Variants in NBAS observed in about 807,000 individuals in gnomAD.
NBAS encodes NBAS subunit of NRZ tethering complex, also known as NAG/BC035112 fusion.
A neutral mutation model predicts 302.5 loss-of-function variants in NBAS; 219 were observed. The observed-to-expected ratio is 0.72, with a 90% CI of 0.65 to 0.81. The LOEUF is 0.81. NBAS is among the 30% of genes least tolerant of loss of function. NBAS has a pLI of 0.00. For missense variants in NBAS, 2,932 were observed against 2,841.6 expected, an observed-to-expected ratio of 1.03 and a Z score of -0.72; for synonymous variants, 1,118 against 1,021.6, an observed-to-expected ratio of 1.09 and a Z score of -1.80.
At chr2:15,489,056 T>G (rs776960636) in intron 11 of NBAS, 34 bp from the exon 12 acceptor site, 1 of 1,609,762 alleles carries the variant, frequency 6.2e-7, no homozygotes, top group South Asian at 1.1e-5. Flanking sequence ...GGCAAAGGAC[T>G]TATGGTCAAA....
chr2:15,086,475 C>G, the NBAS span, among the ~76,000 whole-genome samples: 2,302 of 152,324 alleles, frequency 0.015, 57 homozygotes, highest in African/African-American at 0.053. Context: ...AGAGCTATAA[C>G]ACAAACAGGG....
chr2:15,539,439 G>A, intron 6 of NBAS, 83 bp from the exon 7 acceptor site: 2 of 1,474,478 alleles, frequency 1.4e-6, no homozygotes, highest in East Asian at 2.3e-5. Flanking sequence ...ACTAAAGTAA[G>A]TATTCAAGTA....
the NBAS span, among the ~76,000 whole-genome samples, chr2:14,872,009 A>C: frequency 3.9e-5 from 6 of 152,152 alleles, no homozygotes; most frequent in Non-Finnish European, 4.4e-5. Flanking sequence ...ATACACACAC[A>C]TGTATAGATA....
At chr2:15,095,666 C>T in the NBAS span, among the ~76,000 whole-genome samples, 76 of 152,272 alleles carry the variant, frequency 5.0e-4, no homozygotes, top group African/African-American at 1.7e-3. Flanking sequence ...TGTGGAGGCA[C>T]GGACCCAGCT....
chr2:15,214,330 G>C (rs906523015), intron 48 of NBAS, among the ~76,000 whole-genome samples: 6 of 152,218 alleles, frequency 3.9e-5, no homozygotes, highest in African/African-American at 1.4e-4. Context: ...GAAAAAGTCA[G>C]CAGACACTGG....
At chr2:15,176,559 T>C (rs980104734) in intron 51 of NBAS, among the ~76,000 whole-genome samples, 3 of 152,322 alleles carry the variant, frequency 2.0e-5, no homozygotes, top group Admixed American at 1.3e-4. Flanking sequence ...AACCGGGTCA[T>C]AATATTACAG....
intron 11 of NBAS, 42 bp downstream of exon 11, chr2:15,504,103 A>T: frequency 1.3e-6 from 2 of 1,535,732 alleles, no homozygotes; most frequent in Non-Finnish European, 1.8e-6. Flanking sequence ...TCAGGGTAAA[A>T]ATGTTTGAGA....
the NBAS span, among the ~76,000 whole-genome samples, chr2:14,943,247 T>G: frequency 1.3e-5 from 2 of 152,262 alleles, no homozygotes; most frequent in African/African-American, 4.8e-5. Flanking sequence ...TAGCAAGCTT[T>G]ACTACATCTG....
chr2:15,462,495 T>A lies in NBAS; in HGVS notation c.2098-704A>T, dbSNP rs535449528. On this transcript the variant is annotated intron_variant, in intron 19 of 51. Transcript: ENST00000281513. Reference sequence around the variant, plus strand: ...CATGTCTGCCATGTTTAATACTGAATCCCAGATTCCTAGCACACTGCCTGT... The same window carrying A: ...CATGTCTGCCATGTTTAATACTGAAACCCAGATTCCTAGCACACTGCCTGT... Among the ~76,000 whole-genome samples, 7 of 152,280 alleles carry A rather than the reference T, an allele frequency of 4.6e-5. No individual in the cohort carries two copies. The South Asian group carries it at 1.2e-3, about 27-fold the overall frequency.
At chr2:15,049,524 C>A in the NBAS span, among the ~76,000 whole-genome samples, 1 of 152,166 alleles carries the variant, frequency 6.6e-6, no homozygotes, top group Non-Finnish European at 1.5e-5. Flanking sequence ...GTTTGCTGAG[C>A]AGTGGAGGCT....
intron 10 of NBAS, among the ~76,000 whole-genome samples, chr2:15,509,985 G>T (rs542314872): frequency 2.6e-5 from 4 of 152,176 alleles, no homozygotes; most frequent in Non-Finnish European, 5.9e-5. Flanking sequence ...GAGTAGCTGG[G>T]ATTACAGGTG....
the NBAS span, among the ~76,000 whole-genome samples, chr2:14,850,029 A>G: frequency 7.2e-6 from 1 of 138,758 alleles, no homozygotes; most frequent in Non-Finnish European, 1.5e-5. Flanking sequence ...ACTAACGAGC[A>G]AAATAACCAG....
At position 15,383,286 on chromosome 2, in the gene NBAS, T is replaced by C. The variant is rs1223290110; in HGVS notation, c.3289A>G (p.Thr1097Ala). The C allele has an allele frequency of 6.2e-7, 1 of 1,613,882 alleles. No individual in the cohort carries two copies. The highest frequency in any genetic ancestry group is 8.5e-7 in the Non-Finnish European group (1 of 1,179,972). Residue 1097 changes from threonine to alanine, a missense_variant, in exon 29 of 52, where the codon ACG becomes GCG. Physicochemically the swap from Thr to Ala is moderately conservative, Grantham distance 58. Coordinates refer to ENST00000281513, the MANE Select transcript of NBAS (RefSeq NM_015909.4). The stretch of plus-strand genomic sequence containing the variant: ...ATAGTTAACATGTCTTGCAGCAACG[T>C]TCTCCAATGAGACTCACTGACAGGA... ...QPPVSESHWRTLLQDMLTMQQ... is the reference protein window; with the variant it reads ...QPPVSESHWRALLQDMLTMQQ...
At chr2:15,280,821 C>T (rs1323395742) in intron 42 of NBAS, among the ~76,000 whole-genome samples, 1 of 152,168 alleles carries the variant, frequency 6.6e-6, no homozygotes, top group Non-Finnish European at 1.5e-5. Context: ...ACAAGACAAT[C>T]TACCCTCCAA....
At chr2:15,517,375 T>C (rs1052129967) in intron 9 of NBAS, among the ~76,000 whole-genome samples, 1 of 152,134 alleles carries the variant, frequency 6.6e-6, no homozygotes, top group Non-Finnish European at 1.5e-5. Context: ...CAGGAAAACA[T>C]ATACAATGTG....
chr2:15,376,747 A>C (rs1349385706), intron 30 of NBAS, among the ~76,000 whole-genome samples: 2 of 152,180 alleles, frequency 1.3e-5, no homozygotes, highest in African/African-American at 4.8e-5. Context: ...TAAAATGCTA[A>C]TTAATAAATA....
At chr2:15,430,160 G>A (rs775152418) in intron 21 of NBAS, among the ~76,000 whole-genome samples, 8 of 152,160 alleles carry the variant, frequency 5.3e-5, no homozygotes, top group Non-Finnish European at 7.3e-5. Context: ...TTAGATGCAA[G>A]AGTTATTAGG....
intron 50 of NBAS, among the ~76,000 whole-genome samples, chr2:15,183,737 T>C (rs1558417232): frequency 6.6e-6 from 1 of 152,230 alleles, no homozygotes. Flanking sequence ...CTATGTATGA[T>C]GTTCCCTGCC....
rs190572594 is a variant in NBAS at position 15,434,420 on chromosome 2, T to C, written c.2340-6626A>G. On this transcript the variant is annotated intron_variant, in intron 21 of 51. Coordinates refer to ENST00000281513, the MANE Select transcript of NBAS (RefSeq NM_015909.4). The stretch of plus-strand genomic sequence containing the variant: ...TCCTCAGAACAATGAAGGATGCCTA[T>C]GCTCATTACAAAGAAAGTCACCAGG... 7.9e-5 allele frequency among the ~76,000 whole-genome samples: 12 copies of C among 152,316 alleles called. No homozygotes were observed. In the East Asian group the frequency reaches 2.1e-3, roughly 27 times the overall value.
Sources: allele counts gnomAD v4.1 joint callset (sites outside exome capture counted in the v4.1 genomes callset), GRCh38; gene constraint gnomAD v4.1.1; transcripts MANE v1.5; gene names NCBI Gene and HGNC (gene_info 2026-07-23, HGNC 2026-07-21).